Variants in NPAS3 observed in about 807,000 individuals in gnomAD.
NPAS3 encodes the protein neuronal PAS domain-containing protein 3.
Under a neutral mutation model 73.1 loss-of-function variants are expected in NPAS3, and 14 were observed. The ratio of observed to expected loss-of-function variants is 0.19; its 90% CI spans 0.13 to 0.30. The LOEUF (loss-of-function observed/expected upper bound fraction) is 0.30, where lower values mean the gene tolerates loss of function less well. Among genes scored for constraint, NPAS3 ranks in the 10% least tolerant of loss-of-function variants. The pLI, the probability that NPAS3 is intolerant of heterozygous loss-of-function variation, is 1.00. For missense variants in NPAS3, 1,096 were observed against 1,250.0 expected (o/e 0.88, Z 1.86); for synonymous variants, 620 against 541.5 (o/e 1.14, Z -2.01).
At chr14:33,459,278 A>C (rs1332092790) in intron 4 of NPAS3, among the ~76,000 whole-genome samples, 2 of 152,212 alleles carry the variant, frequency 1.3e-5, no homozygotes, top group Non-Finnish European at 2.9e-5. Flanking sequence ...AATGCAGCTC[A>C]GTAGATCTCA....
At chr14:33,019,099 T>G (rs1025435043) in intron 1 of NPAS3, among the ~76,000 whole-genome samples, 2 of 152,214 alleles carry the variant, frequency 1.3e-5, no homozygotes, top group African/African-American at 4.8e-5. Context: ...TAACATTCTG[T>G]TAGAATTTTG....
intron 3 of NPAS3, among the ~76,000 whole-genome samples, chr14:33,363,404 A>G (rs753742894): frequency 1.3e-5 from 2 of 152,198 alleles, no homozygotes; most frequent in African/African-American, 4.8e-5. Flanking sequence ...TCCCCTGTGT[A>G]TCTTCCCCTT....
chr14:33,697,314 C>G (rs1450498531), intron 6 of NPAS3, among the ~76,000 whole-genome samples: 5 of 152,308 alleles, frequency 3.3e-5, no homozygotes, highest in African/African-American at 1.2e-4. Context: ...TGGACTCACA[C>G]AGCCAGAGCT....
At chr14:33,090,126 A>G (rs945494472) in intron 2 of NPAS3, among the ~76,000 whole-genome samples, 1 of 152,224 alleles carries the variant, frequency 6.6e-6, no homozygotes, top group African/African-American at 2.4e-5. Context: ...TCACAATGAC[A>G]GGATCAGGTT....
chr14:33,307,593 A>ATGTGTGTGTGGGTGTGTGTGTGTG (rs2042806006), intron 3 of NPAS3, among the ~76,000 whole-genome samples: 1 of 138,950 alleles, frequency 7.2e-6, no homozygotes, highest in Non-Finnish European at 1.5e-5. Flanking sequence ...TTTTTTTTCA[A>ATGTGTGTGTGGGTGTGTGTGTGTG]TGTGTGTGTG....
chr14:33,198,156 C>G (rs1176348861), intron 2 of NPAS3, among the ~76,000 whole-genome samples: 5 of 152,186 alleles, frequency 3.3e-5, no homozygotes, highest in African/African-American at 1.2e-4. Context: ...CGCAGTGTTA[C>G]AGCTCATAAA....
intron 2 of NPAS3, among the ~76,000 whole-genome samples, chr14:33,148,972 C>A (rs1312572413): frequency 6.6e-6 from 1 of 152,068 alleles, no homozygotes; most frequent in Non-Finnish European, 1.5e-5. Context: ...AGCTAGGATA[C>A]CCCGCGAGCC....
chr14:33,368,307 C>T (rs1360934282), intron 4 of NPAS3, among the ~76,000 whole-genome samples: 2 of 129,374 alleles, frequency 1.5e-5, no homozygotes, highest in South Asian at 2.9e-4. Context: ...TGTGATTCTG[C>T]GTTAAAAAAA....
intron 6 of NPAS3, among the ~76,000 whole-genome samples, chr14:33,718,872 T>C (rs1343997484): frequency 6.6e-6 from 1 of 152,130 alleles, no homozygotes; most frequent in Admixed American, 6.6e-5. Flanking sequence ...ACACCTGTAA[T>C]GACAGCACTT....
intron 5 of NPAS3, among the ~76,000 whole-genome samples, chr14:33,610,034 A>G (rs2057702238): frequency 6.6e-6 from 1 of 152,060 alleles, no homozygotes; most frequent in South Asian, 2.1e-4. Flanking sequence ...CTTTTAAGTC[A>G]TTTTCTGACT....
At chr14:33,803,590 G>T (rs1048332614), downstream of NPAS3, 1 of 151,900 alleles carries the variant, frequency 6.6e-6, no homozygotes, top group African/African-American at 2.4e-5. Flanking sequence ...AGAACAGCTA[G>T]ACAGCTGTTT....
chr14:33,099,848 A>G (rs1466184699), intron 2 of NPAS3, among the ~76,000 whole-genome samples: 1 of 152,186 alleles, frequency 6.6e-6, no homozygotes, highest in Non-Finnish European at 1.5e-5. Flanking sequence ...CCACACCTTT[A>G]CCTGGTTTAT....
Position 33,552,437 on chromosome 14 carries a change from T to C in NPAS3, c.469-7684T>C, listed in dbSNP as rs2055160878. On this transcript the variant is annotated intron_variant, in intron 4 of 11. Transcript: ENST00000356141. Reference sequence around the variant, plus strand: ...CCTCTCTCACATGTGAGCTATGTAATGTGACTAACAAATGTTTGCTTCCTT... The same window carrying C: ...CCTCTCTCACATGTGAGCTATGTAACGTGACTAACAAATGTTTGCTTCCTT... Among the ~76,000 whole-genome samples the C allele has an allele frequency of 2.0e-5, 3 of 152,324 alleles. No individual in the cohort carries two copies. In the South Asian group the frequency reaches 6.2e-4, roughly 32 times the overall value.
At chr14:33,009,954 T>TC (rs1234158934) in intron 1 of NPAS3, among the ~76,000 whole-genome samples, 3 of 152,186 alleles carry the variant, frequency 2.0e-5, no homozygotes, top group Non-Finnish European at 2.9e-5. Flanking sequence ...AGTGTAATCT[T>TC]CAAGATTCAT....
At chr14:33,050,796 A>G (rs146346472) in intron 1 of NPAS3, among the ~76,000 whole-genome samples, 33 of 152,288 alleles carry the variant, frequency 2.2e-4, no homozygotes, top group Non-Finnish European at 4.7e-4. Flanking sequence ...TGACCCTACA[A>G]TGGGTTTGCT....
intron 2 of NPAS3, among the ~76,000 whole-genome samples, chr14:33,132,737 C>T (rs899794674): frequency 4.6e-5 from 7 of 152,072 alleles, no homozygotes; most frequent in South Asian, 2.1e-4. Flanking sequence ...TGATTGGATA[C>T]CTTAATTAGG....
intron 4 of NPAS3, among the ~76,000 whole-genome samples, chr14:33,436,909 TG>T (rs2049014110): frequency 6.6e-6 from 1 of 152,212 alleles, no homozygotes; most frequent in African/African-American, 2.4e-5. Context: ...AAATTCTAGC[TG>T]TTGTGCCTTA....
At chr14:33,760,667 C>T (rs1304104774) in intron 7 of NPAS3, among the ~76,000 whole-genome samples, 1 of 151,640 alleles carries the variant, frequency 6.6e-6, no homozygotes, top group African/African-American at 2.4e-5. Flanking sequence ...CTGCCTAAAG[C>T]CTCTCCTTTG....
At chr14:33,145,179 T>C (rs760658106) in intron 2 of NPAS3, among the ~76,000 whole-genome samples, 10 of 152,204 alleles carry the variant, frequency 6.6e-5, no homozygotes, top group Non-Finnish European at 1.5e-4. Context: ...GGCCTTGTAT[T>C]GAAAACCTTT....
Sources: gnomAD v4.1 joint callset for allele counts (sites outside exome capture counted in the v4.1 genomes callset) on GRCh38, gnomAD v4.1.1 for gene constraint, MANE v1.5 for transcripts, NCBI Gene and HGNC (gene_info 2026-07-23, HGNC 2026-07-21) for gene names.